Variants in UNC5D observed in about 807,000 individuals in gnomAD.
UNC5D encodes netrin receptor UNC5D.
Under a neutral mutation model 105.4 loss-of-function variants are expected in UNC5D, and 39 were observed. The observed-to-expected ratio is 0.37, with a 90% CI of 0.29 to 0.48. UNC5D has a LOEUF of 0.48. Among genes scored for constraint, UNC5D ranks in the 20% least tolerant of loss-of-function variants. UNC5D has a pLI of 0.98. For synonymous variants in UNC5D, 452 were observed against 450.4 expected (o/e 1.00, Z -0.04); for missense variants, 991 against 1,202.4 (o/e 0.82, Z 2.60).
intron 1 of UNC5D, among the ~76,000 whole-genome samples, chr8:35,471,791 G>A (rs900999864): frequency 6.6e-6 from 1 of 152,136 alleles, no homozygotes; most frequent in African/African-American, 2.4e-5. Context: ...CTTTTGCCTG[G>A]TGGCTATTAT....
At chr8:35,653,700 C>T (rs1823563122) in intron 4 of UNC5D, among the ~76,000 whole-genome samples, 1 of 152,234 alleles carries the variant, frequency 6.6e-6, no homozygotes, top group South Asian at 2.1e-4. Context: ...ATAGATTAAA[C>T]TACTGAATGT....
At chr8:35,365,490 C>T (rs543842285) in intron 1 of UNC5D, among the ~76,000 whole-genome samples, 2 of 150,992 alleles carry the variant, frequency 1.3e-5, no homozygotes, top group South Asian at 2.1e-4. Context: ...ACTGGAAGCC[C>T]CTACAACATG....
rs193076006 is a variant in UNC5D, at chr8:35,383,339, A to G, written c.103+147452A>G. Among the ~76,000 whole-genome samples, 6 of 152,330 alleles carry G rather than the reference A, an allele frequency of 3.9e-5. No individual in the cohort carries two copies. In the East Asian group the frequency reaches 1.2e-3, roughly 29 times the overall value. On this transcript the variant is annotated intron_variant, in intron 1 of 16. Transcript: ENST00000404895. The stretch of plus-strand genomic sequence containing the variant: ...TAAAAAAAATCCTCATCAAGAGGAA[A>G]TCTCTATACGTAATATAGTAATTAG...
chr8:35,271,544 A>G (rs1458442734), intron 1 of UNC5D, among the ~76,000 whole-genome samples: 5 of 145,482 alleles, frequency 3.4e-5, no homozygotes, highest in African/African-American at 1.2e-4. Context: ...TATTTTATAT[A>G]TGTATACATA....
chr8:35,253,611 C>T (rs375261587), intron 1 of UNC5D, among the ~76,000 whole-genome samples: 2 of 151,478 alleles, frequency 1.3e-5, no homozygotes, highest in East Asian at 1.9e-4. Flanking sequence ...CTCCGCCTCC[C>T]GAGTAGCTGG....
intron 4 of UNC5D, among the ~76,000 whole-genome samples, chr8:35,612,600 G>GT (rs1187923911): frequency 1.3e-5 from 2 of 151,942 alleles, no homozygotes; most frequent in East Asian, 3.9e-4. Flanking sequence ...ACATAATGGG[G>GT]TTTTACATCT....
intron 1 of UNC5D, among the ~76,000 whole-genome samples, chr8:35,271,718 C>T (rs28495822): frequency 2.2e-4 from 10 of 45,510 alleles, no homozygotes; most frequent in African/African-American, 6.6e-4. Context: ...TATATTTATA[C>T]ATGTATACAT....
intron 4 of UNC5D, among the ~76,000 whole-genome samples, chr8:35,615,032 AGGG>A (rs56673042): frequency 0.22 from 7,226 of 32,234 alleles, 753 homozygotes; most frequent in African/African-American, 0.3. Context: ...CAACATAGTG[AGGG>A]GCCCCCCCCC....
chr8:35,447,116 T>C (rs990106027), intron 1 of UNC5D, among the ~76,000 whole-genome samples: 29 of 152,054 alleles, frequency 1.9e-4, no homozygotes, highest in African/African-American at 7.0e-4. Flanking sequence ...TAATAGCTTG[T>C]CTAATTTGTA....
At chr8:35,638,274 A>G (rs1363063368) in intron 4 of UNC5D, among the ~76,000 whole-genome samples, 3 of 152,142 alleles carry the variant, frequency 2.0e-5, no homozygotes, top group African/African-American at 7.2e-5. Flanking sequence ...AATCGGAATC[A>G]ACTAAAATTG....
chr8:35,755,639 GC>G (rs1388134003), intron 13 of UNC5D, among the ~76,000 whole-genome samples: 1 of 152,086 alleles, frequency 6.6e-6, no homozygotes, highest in African/African-American at 2.4e-5. Context: ...GTTTTTCCTG[GC>G]CACAGCTTCT....
In UNC5D at chr8:35,793,195, C is replaced by T; in HGVS notation, c.*2632C>T. 2.2e-6 allele frequency: 1 copy of T among 455,806 alleles called. No individual in the cohort carries two copies. 28.2% of individuals were successfully genotyped at this position (455,806 alleles called of 1,614,324 possible). ...ATGAAATTCTGTGGTCACTGCATGT[C>T]AGGATTGCACAGTATGTTACAATAC... On this transcript the variant is annotated 3_prime_UTR_variant, in exon 17 of 17. Coordinates refer to ENST00000404895, the MANE Select transcript of UNC5D (RefSeq NM_080872.4).
chr8:35,718,727 A>G (rs1828399270), intron 8 of UNC5D, among the ~76,000 whole-genome samples: 1 of 152,198 alleles, frequency 6.6e-6, no homozygotes, highest in Non-Finnish European at 1.5e-5. Flanking sequence ...TGGATTGTCC[A>G]GGACAGGATC....
intron 6 of UNC5D, among the ~76,000 whole-genome samples, chr8:35,685,860 A>C (rs1429515273): frequency 6.6e-6 from 1 of 152,146 alleles, no homozygotes; most frequent in Admixed American, 6.5e-5. Context: ...TTAAAATTGC[A>C]GTATCTTAAA....
intron 1 of UNC5D, among the ~76,000 whole-genome samples, chr8:35,381,302 A>T (rs539263425): frequency 6.6e-6 from 1 of 152,152 alleles, no homozygotes; most frequent in Non-Finnish European, 1.5e-5. Context: ...TTAGAGTCCA[A>T]ATAATTTATC....
At chr8:35,691,460 C>T (rs1826385802) in intron 7 of UNC5D, among the ~76,000 whole-genome samples, 1 of 152,156 alleles carries the variant, frequency 6.6e-6, no homozygotes. Context: ...GCACTCCATC[C>T]TGGCTGACAA....
intron 4 of UNC5D, among the ~76,000 whole-genome samples, chr8:35,657,764 G>A (rs1368149699): frequency 1.3e-5 from 2 of 152,158 alleles, no homozygotes; most frequent in Non-Finnish European, 2.9e-5. Context: ...GGGACTGTAG[G>A]CATGAGTCAC....
chr8:35,546,967 T>C (rs1186102563), intron 1 of UNC5D, among the ~76,000 whole-genome samples: 3 of 152,234 alleles, frequency 2.0e-5, no homozygotes, highest in Non-Finnish European at 2.9e-5. Flanking sequence ...TACTTGAATG[T>C]GAGTTAGCTT....
At chr8:35,672,884 C>G (rs760139350) in intron 4 of UNC5D, among the ~76,000 whole-genome samples, 1 of 152,000 alleles carries the variant, frequency 6.6e-6, no homozygotes, top group Admixed American at 6.6e-5. Flanking sequence ...ACAACTGAAG[C>G]GGGGAAAGTA....
Sources: gnomAD v4.1 joint callset for allele counts (sites outside exome capture counted in the v4.1 genomes callset) on GRCh38, gnomAD v4.1.1 for gene constraint, MANE v1.5 for transcripts, NCBI Gene and HGNC (gene_info 2026-07-23, HGNC 2026-07-21) for gene names.